ARHGAP6: variants seen among roughly 807,000 people sequenced by gnomAD.
ARHGAP6 encodes rho GTPase-activating protein 6.
In ARHGAP6, 16 loss-of-function variants were observed where a neutral mutation model predicts 55.7. The observed-to-expected ratio is 0.29, with a 90% confidence interval of 0.19 to 0.44. ARHGAP6 has a LOEUF of 0.44. Ranked by LOEUF, ARHGAP6 falls within the 20% of genes least tolerant of loss-of-function variation. The pLI is 1.00. For missense variants in ARHGAP6, 698 were observed against 808.9 expected (o/e 0.86, Z 1.66); for synonymous variants, 382 against 360.9 (o/e 1.06, Z -0.66).
intron 1 of ARHGAP6, among the ~76,000 whole-genome samples, chrX:11,585,089 C>T (rs1049352429): frequency 8.9e-6 from 1 of 112,180 alleles, no homozygotes; most frequent in Non-Finnish European, 1.9e-5. Context: ...GCTCCATCCA[C>T]GTTCCTGCAA....
chrX:11,336,831 T>C (rs1000252276), intron 1 of ARHGAP6, among the ~76,000 whole-genome samples: 2 of 112,043 alleles, frequency 1.8e-5, no homozygotes, highest in Non-Finnish European at 3.8e-5. Context: ...AATGCACAGC[T>C]TCTGCAGGCC....
At chrX:11,463,534 T>G (rs2050265200) in intron 1 of ARHGAP6, among the ~76,000 whole-genome samples, 1 of 111,343 alleles carries the variant, frequency 9.0e-6, no homozygotes, top group South Asian at 3.8e-4. Flanking sequence ...AGATGGGGTC[T>G]CATTATCTTA....
chrX:11,330,829 T>A (rs2048554268), intron 1 of ARHGAP6, among the ~76,000 whole-genome samples: 1 of 112,167 alleles, frequency 8.9e-6, no homozygotes, highest in Admixed American at 9.5e-5. Flanking sequence ...AGCACCCAAC[T>A]GGAAAGCTGC....
intron 2 of ARHGAP6, among the ~76,000 whole-genome samples, chrX:11,239,771 ATT>A (rs1477853868): frequency 8.9e-6 from 1 of 112,311 alleles, no homozygotes; most frequent in African/African-American, 3.2e-5. Context: ...AAACCAAAAT[ATT>A]GTTTTTAAAA....
rs188609084 is a variant in ARHGAP6, at chrX:11,456,664, C to T, written c.589-201957G>A. 1.3e-3 allele frequency among the ~76,000 whole-genome samples: 147 copies of T among 111,507 alleles called. 1 individual carries two copies. The highest frequency in any genetic ancestry group is 2.4e-3 in the Non-Finnish European group (126 of 53,123). On this transcript the variant is annotated intron_variant, in intron 1 of 12. Transcript: ENST00000337414. ...CAACCCTTCTCTGCATACCACAGTA[C>T]GTGAGAGAACTCCTTGAAAATGGAA... is the stretch of plus-strand genomic sequence containing the variant.
chrX:11,568,069 G>A (rs753649415), intron 1 of ARHGAP6, among the ~76,000 whole-genome samples: 7 of 111,378 alleles, frequency 6.3e-5, no homozygotes, highest in Non-Finnish European at 9.4e-5. Context: ...TTCCAAACAC[G>A]CAGCCTTCCA....
intron 1 of ARHGAP6, among the ~76,000 whole-genome samples, chrX:11,312,109 T>C (rs2048308946): frequency 8.9e-6 from 1 of 112,438 alleles, no homozygotes; most frequent in Admixed American, 9.4e-5. Context: ...TATATCCATA[T>C]GAATTAATAT....
chrX:11,420,008 G>A (rs1284135006), intron 1 of ARHGAP6, among the ~76,000 whole-genome samples: 1 of 112,060 alleles, frequency 8.9e-6, no homozygotes, highest in African/African-American at 3.2e-5. Context: ...TATCCGAAGA[G>A]AAGAGGAGAA....
intron 1 of ARHGAP6, among the ~76,000 whole-genome samples, chrX:11,499,315 T>C (rs1286833906): frequency 8.9e-6 from 1 of 112,370 alleles, no homozygotes; most frequent in African/African-American, 3.2e-5. Flanking sequence ...CATTCATCTT[T>C]AGTCAGTCAT....
At chrX:11,453,783 G>T (rs1248863634) in intron 1 of ARHGAP6, among the ~76,000 whole-genome samples, 1 of 111,766 alleles carries the variant, frequency 8.9e-6, no homozygotes, top group Non-Finnish European at 1.9e-5. Context: ...AGTAAGCAAA[G>T]TAGCCTGCAA....
intron 7 of ARHGAP6, 149 bp downstream of exon 7, chrX:11,179,153 C>A: frequency 1.8e-6 from 1 of 543,598 alleles, no homozygotes; most frequent in Non-Finnish European, 2.8e-6. Context: ...CAGGGTAAAT[C>A]TGAGAAATTC....
intron 1 of ARHGAP6, among the ~76,000 whole-genome samples, chrX:11,297,519 G>T (rs2048106723): frequency 8.9e-6 from 1 of 112,282 alleles, no homozygotes; most frequent in African/African-American, 3.2e-5. Flanking sequence ...CAAGGTTACT[G>T]ATTATTTTTT....
chrX:11,190,480 T>TATATATACAC (rs1398140938), intron 3 of ARHGAP6, among the ~76,000 whole-genome samples: 1 of 99,534 alleles, frequency 1.0e-5, no homozygotes, highest in Admixed American at 1.1e-4. Context: ...TATATATATA[T>TATATATACAC]ACATATATCT....
At chrX:11,227,793 CT>C (rs199899751) in intron 2 of ARHGAP6, among the ~76,000 whole-genome samples, 2 of 108,206 alleles carry the variant, frequency 1.8e-5, no homozygotes, top group African/African-American at 6.8e-5. Context: ...CTTTCTTTTT[CT>C]TTTTTCTTTT....
chrX:11,140,433 AATT>A, intron 12 of ARHGAP6, among the ~76,000 whole-genome samples: 1 of 96,606 alleles, frequency 1.0e-5, no homozygotes, highest in Admixed American at 1.1e-4. Flanking sequence ...AAAAAAAAAA[AATT>A]AAAAAAAAAA....
chrX:11,343,926 T>A, intron 1 of ARHGAP6, among the ~76,000 whole-genome samples: 1 of 112,211 alleles, frequency 8.9e-6, no homozygotes, highest in South Asian at 3.7e-4. Flanking sequence ...TTTTTGCCTA[T>A]CCCAGTATGG....
chrX:11,163,887 A>AAATC (rs1456918173), intron 9 of ARHGAP6, among the ~76,000 whole-genome samples: 2 of 112,555 alleles, frequency 1.8e-5, no homozygotes, highest in African/African-American at 6.4e-5. Context: ...AAGATGAAAG[A>AAATC]AATCAGCAGT....
At chrX:11,616,453 G>A (rs1013784722) in intron 1 of ARHGAP6, among the ~76,000 whole-genome samples, 1 of 111,209 alleles carries the variant, frequency 9.0e-6, no homozygotes, top group Non-Finnish European at 1.9e-5. Flanking sequence ...AGCCTCCCAA[G>A]TAGCTGGGAT....
intron 1 of ARHGAP6, among the ~76,000 whole-genome samples, chrX:11,367,371 C>G (rs954063731): frequency 4.2e-4 from 47 of 111,611 alleles, no homozygotes; most frequent in African/African-American, 1.5e-3. Context: ...TAACATGATG[C>G]TATCTGGAGT....
Sources: gnomAD v4.1 joint callset for allele counts (sites outside exome capture counted in the v4.1 genomes callset) on GRCh38, gnomAD v4.1.1 for gene constraint, MANE v1.5 for transcripts, NCBI Gene and HGNC (gene_info 2026-07-23, HGNC 2026-07-21) for gene names.